PHIP: variants seen among roughly 807,000 people sequenced by gnomAD.
The protein encoded by PHIP is PHIP subunit of CUL4-Ring ligase complex.
A neutral mutation model predicts 236.8 loss-of-function variants in PHIP; 54 were observed. That is an observed-to-expected ratio of 0.23 (90% confidence interval 0.18 to 0.29). PHIP has a LOEUF of 0.29. Among genes scored for constraint, PHIP ranks in the 10% least tolerant of loss-of-function variants. PHIP has a pLI of 1.00. For synonymous variants in PHIP, 756 were observed against 718.9 expected (o/e 1.05, Z -0.83); for missense variants, 1,370 against 2,190.8 (o/e 0.63, Z 7.48).
chr6:78,992,872 T>G (rs539071302), intron 19 of PHIP, among the ~76,000 whole-genome samples: 2 of 152,288 alleles, frequency 1.3e-5, no homozygotes, highest in South Asian at 4.1e-4. Flanking sequence ...CATCTCTCAC[T>G]TTAAATCAAA....
At position 78,946,941 on chromosome 6, in the gene PHIP, G is replaced by A. The variant is rs150566066; in HGVS notation, c.4207-67C>T. The A allele has an allele frequency of 6.9e-3, 5,954 of 863,642 alleles. 53 individuals are homozygous for A. Among genetic ancestry groups the A allele is most frequent in the Non-Finnish European group, 7.4e-3 (4,177 of 562,818 alleles). 53.5% of individuals were successfully genotyped at this position (863,642 alleles called of 1,614,324 possible). ...AAAATACCTTTGTTCAGTAAATACT[G>A]TAATGTAAATATTTTTCCAGTAAAA... On this transcript the variant is annotated intron_variant, in intron 36 of 39. Transcript: ENST00000275034.
chr6:78,972,553 GA>G (rs1214369573), intron 24 of PHIP, among the ~76,000 whole-genome samples: 2 of 152,210 alleles, frequency 1.3e-5, no homozygotes, highest in African/African-American at 4.8e-5. Context: ...GCTGAGAGAA[GA>G]AGGCTTCAGA....
intron 19 of PHIP, among the ~76,000 whole-genome samples, chr6:78,992,889 A>G (rs1056337924): frequency 6.6e-6 from 1 of 152,224 alleles, no homozygotes; most frequent in Non-Finnish European, 1.5e-5. Context: ...CAAAGGTAGC[A>G]ACGATTAAAC....
At chr6:79,060,335 G>A in intron 6 of PHIP, 143 bp downstream of exon 6, 1 of 544,894 alleles carries the variant, frequency 1.8e-6, no homozygotes, top group Non-Finnish European at 3.1e-6. Context: ...CTACTACTAA[G>A]AAAAAAAATC....
At chr6:78,993,624 CATCT>C (rs1425219685) in intron 19 of PHIP, among the ~76,000 whole-genome samples, 1 of 152,190 alleles carries the variant, frequency 6.6e-6, no homozygotes, top group Non-Finnish European at 1.5e-5. Context: ...GATGGCAGCA[CATCT>C]ATTTATAGCA....
chr6:79,023,525 T>TA (rs1390107326), intron 9 of PHIP, among the ~76,000 whole-genome samples: 1 of 151,898 alleles, frequency 6.6e-6, no homozygotes. Context: ...AGTCCAAAAA[T>TA]AAAAAAATTA....
Position 78,969,807 on chromosome 6 carries a change from A to T in PHIP, c.3205+28T>A. 4 of 1,124,462 alleles carry T rather than the reference A, an allele frequency of 3.6e-6. No homozygotes were observed. In the Admixed American group the frequency reaches 7.1e-5, roughly 20 times the overall value. 69.7% of individuals were successfully genotyped at this position (1,124,462 alleles called of 1,614,324 possible). ...CTAAGAAAAAAAAACCACATCAAAC[A>T]TCGATAGCTTCTAAATAAATTACCC... On this transcript the variant is annotated intron_variant, in intron 27 of 39. Coordinates refer to ENST00000275034, the MANE Select transcript of PHIP (RefSeq NM_017934.7).
chr6:78,999,122 A>G (rs1195310748), intron 17 of PHIP, among the ~76,000 whole-genome samples: 2 of 152,206 alleles, frequency 1.3e-5, no homozygotes, highest in African/African-American at 4.8e-5. Flanking sequence ...CACTTCAGGT[A>G]GAACGCAAGA....
rs181886921 is a variant in PHIP, at chr6:78,939,220, C to T, written c.*1473G>A. The stretch of plus-strand genomic sequence containing the variant: ...ATAGCAGTACATATAGCAATACATT[C>T]TCCTAAGTCATATAGTTATCATTTA... On this transcript the variant is annotated 3_prime_UTR_variant, in exon 40 of 40. Transcript: ENST00000275034. 5 of 151,834 alleles carry T rather than the reference C, an allele frequency of 3.3e-5. No individual in the cohort carries two copies. The highest frequency in any genetic ancestry group is 3.3e-4 in the Admixed American group (5 of 15,256). The allele number at this position is 151,834 out of a possible 1,614,324, so 9.4% of individuals were successfully genotyped here.
chr6:78,942,168 G>C (rs1379716008), intron 39 of PHIP, among the ~76,000 whole-genome samples: 2 of 152,128 alleles, frequency 1.3e-5, no homozygotes, highest in Non-Finnish European at 2.9e-5. Flanking sequence ...TCACAGGTTG[G>C]AACTGTACTT....
At chr6:78,992,823 A>C (rs1446326912) in intron 19 of PHIP, among the ~76,000 whole-genome samples, 1 of 152,178 alleles carries the variant, frequency 6.6e-6, no homozygotes, top group Non-Finnish European at 1.5e-5. Flanking sequence ...ACAATATTAA[A>C]GTTAGGCCAA....
rs138675332 is a variant in PHIP, at chr6:78,961,636, G to C, written c.3656+54C>G. 223 of 1,573,352 alleles carry C rather than the reference G, an allele frequency of 1.4e-4. 1 individual carries two copies. The Admixed American group carries it at 2.7e-3, about 19-fold the overall frequency. On this transcript the variant is annotated intron_variant, in intron 31 of 39. Transcript: ENST00000275034. ...AAACACTGCTAAAGATCAGTAAATG[G>C]GTGGAAAGATCACCAGCTTTCCTTT...
At chr6:79,006,412 G>C (rs1426532980) in intron 15 of PHIP, among the ~76,000 whole-genome samples, 2 of 151,968 alleles carry the variant, frequency 1.3e-5, no homozygotes, top group Non-Finnish European at 2.9e-5. Flanking sequence ...GATTAAGTAA[G>C]CCAATCAAAA....
intron 6 of PHIP, among the ~76,000 whole-genome samples, chr6:79,052,640 G>C (rs908391905): frequency 6.6e-6 from 1 of 152,082 alleles, no homozygotes; most frequent in Non-Finnish European, 1.5e-5. Flanking sequence ...AAAAATCAAA[G>C]GGTTCTGAAA....
chr6:79,047,337 T>C (rs1019830200), intron 6 of PHIP, among the ~76,000 whole-genome samples: 1 of 152,196 alleles, frequency 6.6e-6, no homozygotes, highest in African/African-American at 2.4e-5. Context: ...ATAAGTCACT[T>C]CTTACTTCAC....
chr6:78,974,909 A>T, intron 24 of PHIP, among the ~76,000 whole-genome samples: 1 of 151,788 alleles, frequency 6.6e-6, no homozygotes, highest in Non-Finnish European at 1.5e-5. Context: ...AGAGTCCAGG[A>T]TCAGATGGAT....
chr6:78,971,885 G>A (rs1160779460), intron 24 of PHIP, among the ~76,000 whole-genome samples: 4 of 152,166 alleles, frequency 2.6e-5, no homozygotes, highest in Admixed American at 6.5e-5. Flanking sequence ...CCTACCCCAC[G>A]GAGTCTCGCT....
intron 35 of PHIP, among the ~76,000 whole-genome samples, chr6:78,949,164 C>T (rs997695632): frequency 7.2e-5 from 11 of 152,124 alleles, no homozygotes; most frequent in East Asian, 3.9e-4. Context: ...GGAAGTTTTC[C>T]TTTGTTCCCG....
intron 27 of PHIP, among the ~76,000 whole-genome samples, chr6:78,968,617 G>GT (rs1767310961): frequency 6.6e-6 from 1 of 152,196 alleles, no homozygotes. Context: ...TGCATAAAAA[G>GT]TATGTGTATT....
Sources: allele counts gnomAD v4.1 joint callset (sites outside exome capture counted in the v4.1 genomes callset), GRCh38; gene constraint gnomAD v4.1.1; transcripts MANE v1.5; gene names NCBI Gene and HGNC (gene_info 2026-07-23, HGNC 2026-07-21).